Variants in MLLT3 observed in about 807,000 individuals in gnomAD.
MLLT3 encodes MLLT3 super elongation complex subunit.
In MLLT3, 4 loss-of-function variants were observed where a neutral mutation model predicts 53.2. The ratio of observed to expected loss-of-function variants is 0.08; its 90% CI spans 0.04 to 0.17. The LOEUF (loss-of-function observed/expected upper bound fraction) is 0.17, where lower values mean the gene tolerates loss of function less well. Ranked by LOEUF, MLLT3 falls within the 10% of genes least tolerant of loss-of-function variation. The pLI, the probability that MLLT3 is intolerant of heterozygous loss-of-function variation, is 1.00. For synonymous variants in MLLT3, 283 were observed against 230.6 expected, an observed-to-expected ratio of 1.23 and a Z score of -2.06; for missense variants, 569 against 684.0, an observed-to-expected ratio of 0.83 and a Z score of 1.87.
chr9:20,616,404 T>C (rs1360297896), intron 2 of MLLT3, among the ~76,000 whole-genome samples: 1 of 152,164 alleles, frequency 6.6e-6, no homozygotes, highest in Non-Finnish European at 1.5e-5. Flanking sequence ...TTTAAAACAA[T>C]ATTCTATATT....
At position 20,363,620 on chromosome 9, in the gene MLLT3, T is replaced by C. The variant is rs758928049; in HGVS notation, c.1202-15A>G. On this transcript the variant is annotated splice_polypyrimidine_tract_variant and intron_variant, in intron 6 of 10. Transcript: ENST00000380338. The stretch of plus-strand genomic sequence containing the variant: ...CCTCAAAGGACCTGAGTAATGACAA[T>C]GAACCACAGGCAATCAAACATATAC... The C allele has an allele frequency of 1.2e-6, 2 of 1,612,270 alleles. No homozygotes were observed. Among genetic ancestry groups the C allele is most frequent in the South Asian group, 1.1e-5 (1 of 90,934 alleles).
chr9:20,360,550 C>T (rs1821293878), intron 8 of MLLT3, among the ~76,000 whole-genome samples, 192 bp downstream of exon 8: 1 of 152,216 alleles, frequency 6.6e-6, no homozygotes, highest in Admixed American at 6.5e-5. Flanking sequence ...GGAACATATT[C>T]ATCTTCTCAT....
chr9:20,540,178 AGCT>A (rs1818592873), intron 2 of MLLT3, among the ~76,000 whole-genome samples: 1 of 152,218 alleles, frequency 6.6e-6, no homozygotes, highest in African/African-American at 2.4e-5. Context: ...GAGCCGCCAC[AGCT>A]GCTTTCACGG....
chr9:20,562,595 G>C (rs879120710), intron 2 of MLLT3, among the ~76,000 whole-genome samples: 1 of 152,048 alleles, frequency 6.6e-6, no homozygotes, highest in Admixed American at 6.6e-5. Context: ...CAAAAAAAGA[G>C]TGACAAGAAA....
chr9:20,554,859 G>A (rs1270696594), intron 2 of MLLT3, among the ~76,000 whole-genome samples: 1 of 152,156 alleles, frequency 6.6e-6, no homozygotes, highest in African/African-American at 2.4e-5. Flanking sequence ...AAATGAGGGT[G>A]AAAAATGACT....
intron 2 of MLLT3, among the ~76,000 whole-genome samples, chr9:20,476,688 A>G (rs903421683): frequency 5.3e-5 from 8 of 152,178 alleles, no homozygotes; most frequent in Non-Finnish European, 2.9e-5. Context: ...CTAAGGATTT[A>G]AAATGAAAAA....
At chr9:20,498,020 G>A (rs1324067120) in intron 2 of MLLT3, among the ~76,000 whole-genome samples, 1 of 151,760 alleles carries the variant, frequency 6.6e-6, no homozygotes, top group Non-Finnish European at 1.5e-5. Context: ...CCAGGAGTTC[G>A]AGATCAGTCT....
intron 2 of MLLT3, among the ~76,000 whole-genome samples, chr9:20,616,315 A>G (rs1218453977): frequency 6.6e-6 from 1 of 152,146 alleles, no homozygotes; most frequent in Non-Finnish European, 1.5e-5. Context: ...CTCCATCTTT[A>G]AGCAACAATA....
chr9:20,508,357 G>A (rs1206306551), intron 2 of MLLT3, among the ~76,000 whole-genome samples: 3 of 152,082 alleles, frequency 2.0e-5, no homozygotes, highest in African/African-American at 7.2e-5. Flanking sequence ...ATCCTCAGGA[G>A]GCCCATCCAC....
chr9:20,581,622 C>G (rs983845742), intron 2 of MLLT3, among the ~76,000 whole-genome samples: 2 of 152,122 alleles, frequency 1.3e-5, no homozygotes, highest in East Asian at 1.9e-4. Flanking sequence ...CCTGTTTAGG[C>G]CCCTGGCAGC....
In MLLT3 at chr9:20,620,694, G is replaced by T; in HGVS notation, c.153C>A (p.Val51=). 1.2e-6 allele frequency: 2 copies of T among 1,614,090 alleles called. No individual in the cohort carries two copies. Among genetic ancestry groups the T allele is most frequent in the Non-Finnish European group, 1.7e-6 (2 of 1,180,012 alleles). Residue 51 remains valine, a synonymous_variant, in exon 2 of 11, where the codon GTC becomes GTA. Coordinates refer to ENST00000380338, the MANE Select transcript of MLLT3 (RefSeq NM_004529.4). This position sits in a 1 kb window ranked among gnomAD's most constrained non-coding sequence, Gnocchi z 6.1. ...GAAAGCTTTCGTGCAAGTGGAAGAC[G>T]ACTTTCTCCACAAAGTGCTGTATGT... ...HSNIQHFVEK[V]VFHLHESFPR...
At chr9:20,451,823 C>T (rs1173428713) in intron 3 of MLLT3, among the ~76,000 whole-genome samples, 2 of 152,104 alleles carry the variant, frequency 1.3e-5, no homozygotes, top group Non-Finnish European at 2.9e-5. Context: ...AAGAAGCCTG[C>T]GATCCTTTCA....
chr9:20,550,548 A>C (rs1303044784), intron 2 of MLLT3, among the ~76,000 whole-genome samples: 4 of 151,898 alleles, frequency 2.6e-5, no homozygotes, highest in African/African-American at 9.7e-5. Context: ...CTCCCACCCC[A>C]CGAGTAACTG....
At chr9:20,607,815 G>C (rs189924036) in intron 2 of MLLT3, among the ~76,000 whole-genome samples, 271 of 152,062 alleles carry the variant, frequency 1.8e-3, no homozygotes, top group African/African-American at 6.2e-3. Context: ...AGATTGCAGA[G>C]AGACCCTTGA....
At chr9:20,504,350 T>TTGTGTGTGTG (rs71334530) in intron 2 of MLLT3, among the ~76,000 whole-genome samples, 2,633 of 149,068 alleles carry the variant, frequency 0.018, 78 homozygotes, top group African/African-American at 0.06. Flanking sequence ...CCCAATGGAA[T>TTGTGTGTGTG]TGTGTGTGTG....
At chr9:20,416,620 CT>C (rs1822878736) in intron 4 of MLLT3, among the ~76,000 whole-genome samples, 2 of 152,106 alleles carry the variant, frequency 1.3e-5, no homozygotes, top group Admixed American at 1.3e-4. Flanking sequence ...AGAAATATGT[CT>C]TTTTATAATG....
intron 2 of MLLT3, among the ~76,000 whole-genome samples, chr9:20,457,224 CCTGACA>C (rs1219245140): frequency 6.7e-6 from 1 of 149,348 alleles, no homozygotes; most frequent in African/African-American, 2.5e-5. Flanking sequence ...TCTGAGATGT[CCTGACA>C]AGGACATCTT....
At chr9:20,513,288 C>T (rs1817806326) in intron 2 of MLLT3, among the ~76,000 whole-genome samples, 1 of 152,210 alleles carries the variant, frequency 6.6e-6, no homozygotes, top group Non-Finnish European at 1.5e-5. Flanking sequence ...AAGATAGCCA[C>T]TCTCTGGGAG....
intron 10 of MLLT3, 55 bp from the exon 11 acceptor site, chr9:20,346,629 A>C: frequency 6.4e-7 from 1 of 1,568,920 alleles, no homozygotes; most frequent in Non-Finnish European, 8.7e-7. Flanking sequence ...ATCAAAAGGC[A>C]AAGAGAGAGT....
Sources: allele counts gnomAD v4.1 joint callset (sites outside exome capture counted in the v4.1 genomes callset), GRCh38; gene constraint gnomAD v4.1.1; non-coding constraint Gnocchi (gnomAD v3.1); transcripts MANE v1.5; gene names NCBI Gene and HGNC (gene_info 2026-07-23, HGNC 2026-07-21).